The following KRT86 variants were observed in gnomAD, a reference collection of about 807,000 sequenced individuals.
KRT86 encodes keratin 86.
A neutral mutation model predicts 41.2 loss-of-function variants in KRT86; 30 were observed. The observed-to-expected ratio is 0.73, with a 90% CI of 0.54 to 0.99. KRT86 has a LOEUF of 0.99. KRT86 is among the 50% of genes least tolerant of loss of function. The pLI is 0.00. For synonymous variants in KRT86, 238 were observed against 238.1 expected (o/e 1.00, Z 0.00); for missense variants, 561 against 571.4 (o/e 0.98, Z 0.19).
rs766441670 is a variant in KRT86, at chr12:52,305,376, C to G, written c.872C>G (p.Ala291Gly). The G allele has an allele frequency of 1.9e-6, 3 of 1,614,238 alleles. No individual in the cohort carries two copies. The highest frequency in any genetic ancestry group is 2.5e-6 in the Non-Finnish European group (3 of 1,180,046). ...QYDDIVTRSR[A>G]EAESWYRSKC... ...GATGACATTGTCACCCGTAGCCGGG[C>G]TGAGGCCGAGTCCTGGTACCGCAGC... Residue 291 changes from alanine (A) to glycine (G), a missense_variant, in exon 7 of 11, where the codon GCT becomes GGT. Coordinates refer to ENST00000423955, the MANE Select transcript of KRT86 (RefSeq NM_001320198.2).
intron 2 of KRT86, chr12:52,287,866 G>A: frequency 3.1e-6 from 5 of 1,601,826 alleles, no homozygotes; most frequent in Non-Finnish European, 4.3e-6. Flanking sequence ...CCTCAGATTG[G>A]CAGCCCTCTC....
intron 3 of KRT86, 36 bp downstream of exon 3, chr12:52,302,321 AC>A (rs1423310217): frequency 1.9e-6 from 1 of 525,276 alleles, no homozygotes. Flanking sequence ...CTGAACCCCC[AC>A]CACCTACACA....
chr12:52,293,508 T>C (rs1265690413), intron 2 of KRT86, among the ~76,000 whole-genome samples: 2 of 152,038 alleles, frequency 1.3e-5, no homozygotes, highest in African/African-American at 2.4e-5. Context: ...AGAGAGTCCA[T>C]CTAAGGAAGA....
intron 2 of KRT86, among the ~76,000 whole-genome samples, chr12:52,296,867 G>A (rs867375486): frequency 4.6e-5 from 7 of 152,230 alleles, no homozygotes; most frequent in Non-Finnish European, 8.8e-5. Flanking sequence ...TGTAAGCCCA[G>A]CATGCAGATG....
chr12:52,296,531 C>G (rs1006155937), intron 2 of KRT86, among the ~76,000 whole-genome samples: 1 of 152,180 alleles, frequency 6.6e-6, no homozygotes, highest in Admixed American at 6.5e-5. Flanking sequence ...GAGTCAGGCT[C>G]CAGCCCCACC....
rs1441954577 is a variant in KRT86, at chr12:52,306,181, C to T, written c.1148C>T (p.Ala383Val). The change falls in exon 9 of 11, where the codon GCC (alanine) becomes GTC (valine). Residue 383 changes from alanine (A) to valine (V), a missense_variant. This residue lies in a region of KRT86 where 397 missense variants were observed against 375.9 expected (regional missense o/e 1.06). Transcript: ENST00000423955. Reference sequence around the variant, plus strand: ...CTGCAGAAGGCCAAGCAGGACATGGCCTGCCTGATCAGGGAGTACCAGGAG... The same window carrying T: ...CTGCAGAAGGCCAAGCAGGACATGGTCTGCCTGATCAGGGAGTACCAGGAG... ...GALQKAKQDM[A>V]CLIREYQEVM... The T allele has an allele frequency of 1.2e-6, 2 of 1,613,852 alleles. No individual in the cohort carries two copies. Among genetic ancestry groups the T allele is most frequent in the East Asian group, 4.5e-5 (2 of 44,872 alleles).
chr12:52,293,578 C>T (rs745841907), intron 2 of KRT86, among the ~76,000 whole-genome samples: 19 of 152,134 alleles, frequency 1.2e-4, no homozygotes, highest in African/African-American at 1.7e-4. Flanking sequence ...TAGGGACACA[C>T]GGCGATGTGA....
intron 2 of KRT86, chr12:52,288,040 A>G (rs1565741216): frequency 6.2e-7 from 1 of 1,614,170 alleles, no homozygotes; most frequent in Non-Finnish European, 8.5e-7. Context: ...ATGTCGTCAT[A>G]CTGTGCCTTA....
Position 52,308,427 on chromosome 12 carries a change from GT to G in KRT86, c.1305del (p.Val436SerfsTer84). On this transcript the variant is annotated frameshift_variant, in exon 11 of 11. Coordinates refer to ENST00000423955, the MANE Select transcript of KRT86 (RefSeq NM_001320198.2). LOFTEE classifies it high-confidence loss of function. The stretch of plus-strand genomic sequence containing the variant: ...AGGCGTCAGCAGCTCCCGCGGTGGC[GT>G]TGTCTGTGGCGATCTCTGCGCCTCC... ...NVCVSSSRGG[V>X]VCGDLCASTT... is the part of the protein sequence containing the mutation. The G allele has an allele frequency of 2.5e-6, 4 of 1,611,764 alleles. No homozygotes were observed. Among genetic ancestry groups the G allele is most frequent in the Non-Finnish European group, 3.4e-6 (4 of 1,179,658 alleles).
intron 2 of KRT86, chr12:52,291,625 G>T: frequency 1.7e-6 from 2 of 1,168,864 alleles, no homozygotes; most frequent in Non-Finnish European, 1.2e-6. Context: ...CGCTTTATGG[G>T]CTTGGGTGGT....
intron 2 of KRT86, chr12:52,291,500 A>C (rs765185794): frequency 1.2e-6 from 2 of 1,610,448 alleles, no homozygotes; most frequent in Non-Finnish European, 1.7e-6. Flanking sequence ...AGAGGACAGG[A>C]TAGGGGACCT....
chr12:52,298,228 T>C (rs1302281017), intron 2 of KRT86, among the ~76,000 whole-genome samples: 1 of 152,168 alleles, frequency 6.6e-6, no homozygotes, highest in Non-Finnish European at 1.5e-5. Context: ...AGGAGGGGCA[T>C]GTGTTTTGGG....
chr12:52,306,318 A>G (rs746669906), intron 9 of KRT86, 38 bp downstream of exon 9: 1 of 1,612,676 alleles, frequency 6.2e-7, no homozygotes, highest in Non-Finnish European at 8.5e-7. Context: ...CAGCCCTGCC[A>G]GGGTTCTCAG....
intron 2 of KRT86, chr12:52,286,563 G>T (rs1476554712): frequency 2.8e-6 from 4 of 1,447,880 alleles, no homozygotes; most frequent in Non-Finnish European, 3.8e-6. Flanking sequence ...AACCGCCCCT[G>T]CCCAAGACCT....
chr12:52,305,580 C>T (rs1267379790), intron 7 of KRT86, 83 bp from the exon 8 acceptor site: 9 of 1,610,944 alleles, frequency 5.6e-6, no homozygotes, highest in Admixed American at 1.7e-5. Context: ...CTGAGCACTG[C>T]ACAACCTGCA....
Position 52,306,107 on chromosome 12 carries a change from G to C in KRT86, c.1074G>C (p.Glu358Asp), listed in dbSNP as rs1938509488. The change falls in exon 9 of 11, where the codon GAG (glutamate) becomes GAC (aspartate). Residue 358 changes from glutamate to aspartate, a missense_variant. Physicochemically the swap from Glu to Asp is conservative, Grantham distance 45 (BLOSUM62 2). Transcript: ENST00000423955. ...TGGCTCAGTCTGAGCAGCAGGGTGA[G>C]GCGGCCCTCAGCGATGCCCGCTGCA... ...AAVAQSEQQG[E>D]AALSDARCKL... 1 of 1,613,948 alleles carries C rather than the reference G, an allele frequency of 6.2e-7. No homozygotes were observed. Among genetic ancestry groups the C allele is most frequent in the African/African-American group, 1.3e-5 (1 of 74,902 alleles).
At chr12:52,281,332 A>T (rs998020377) in intron 2 of KRT86, among the ~76,000 whole-genome samples, 1 of 152,178 alleles carries the variant, frequency 6.6e-6, no homozygotes, top group Non-Finnish European at 1.5e-5. Context: ...AACATGTCAG[A>T]TGCTAACTTG....
intron 2 of KRT86, among the ~76,000 whole-genome samples, chr12:52,296,297 G>A (rs1352960864): frequency 6.6e-6 from 1 of 152,154 alleles, no homozygotes; most frequent in Non-Finnish European, 1.5e-5. Context: ...GATCTGGGAA[G>A]TATGGTGGAA....
chr12:52,306,663 T>A, intron 9 of KRT86: 1 of 372,844 alleles, frequency 2.7e-6, no homozygotes, highest in African/African-American at 2.1e-5. Context: ...CATCTAGACC[T>A]GGGAGTTCAG....
Sources: allele counts gnomAD v4.1 joint callset (sites outside exome capture counted in the v4.1 genomes callset), GRCh38; gene constraint gnomAD v4.1.1; regional missense constraint gnomAD v4.1.1; transcripts MANE v1.5; gene names NCBI Gene and HGNC (gene_info 2026-07-23, HGNC 2026-07-21).